SLC16A4: variants seen among roughly 807,000 people sequenced by gnomAD.
The protein encoded by SLC16A4 is probable monocarboxylate transporter 5.
SLC16A4 carries 39 observed loss-of-function variants against 47.9 expected under a neutral mutation model. That is an observed-to-expected ratio of 0.81 (90% confidence interval 0.63 to 1.06). SLC16A4 has a LOEUF of 1.06. Among genes scored for constraint, SLC16A4 ranks in the 50% least tolerant of loss-of-function variants. The pLI, the probability that SLC16A4 is intolerant of heterozygous loss-of-function variation, is 0.00. For synonymous variants in SLC16A4, 189 were observed against 199.9 expected (o/e 0.95, Z 0.46); for missense variants, 524 against 573.8 (o/e 0.91, Z 0.89).
rs769456311 is a variant in SLC16A4 at position 110,379,175 on chromosome 1, G to C, written c.708C>G (p.Thr236=). 8.7e-6 allele frequency: 14 copies of C among 1,614,064 alleles called. No individual in the cohort carries two copies. The Admixed American group carries it at 2.3e-4, about 27-fold the overall frequency. Residue 236 remains threonine (T), a synonymous_variant, in exon 6 of 9, where the codon ACC becomes ACG. Coordinates refer to ENST00000369779, the MANE Select transcript of SLC16A4 (RefSeq NM_004696.3). ...CCTTCTGCGTAGTACTGTCCTTGAT[G>C]GTAGACTCTTCTGTCTCATGGCAGT... ...ETHCHETEES[T]IKDSTTQKAG...
At position 110,378,986 on chromosome 1, in the gene SLC16A4, A is replaced by G. The variant is rs764691235; in HGVS notation, c.897T>C (p.Pro299=). Residue 299 remains proline, a synonymous_variant, in exon 6 of 9, where the codon CCT becomes CCC. Coordinates refer to ENST00000369779, the MANE Select transcript of SLC16A4 (RefSeq NM_004696.3). The part of the protein sequence containing the change: ...QLFDISLFRN[P]FFYIFTWSFL... Reference sequence around the variant, plus strand: ...AAGACCAAGTAAATATGTAGAAGAAAGGATTTCTAAAGAGAGAAATGTCAA... The same window carrying G: ...AAGACCAAGTAAATATGTAGAAGAAGGGATTTCTAAAGAGAGAAATGTCAA... 1 of 1,614,216 alleles carries G rather than the reference A, an allele frequency of 6.2e-7. No individual in the cohort carries two copies. Among genetic ancestry groups the G allele is most frequent in the Non-Finnish European group, 8.5e-7 (1 of 1,180,040 alleles).
chr1:110,365,206 A>G (rs1661314300), intron 8 of SLC16A4, among the ~76,000 whole-genome samples: 1 of 152,098 alleles, frequency 6.6e-6, no homozygotes, highest in African/African-American at 2.4e-5. Context: ...AGATGAAAAT[A>G]TCTGCCCTCA....
intron 8 of SLC16A4, among the ~76,000 whole-genome samples, chr1:110,368,514 C>T (rs1339609910): frequency 1.3e-5 from 2 of 152,196 alleles, no homozygotes; most frequent in Non-Finnish European, 2.9e-5. Flanking sequence ...AGCATAACTC[C>T]ATCCTGGGTG....
Position 110,389,466 on chromosome 1 carries a change from T to C in SLC16A4, c.-32-111A>G, listed in dbSNP as rs748115942. 5.8e-5 allele frequency: 42 copies of C among 723,558 alleles called. No individual in the cohort carries two copies. In the Middle Eastern group the frequency reaches 1.2e-3, roughly 21 times the overall value. 44.8% of individuals were successfully genotyped at this position (723,558 alleles called of 1,614,324 possible). The stretch of plus-strand genomic sequence containing the variant: ...CATTGTTGGTGGGAATGCAAATTAG[T>C]TCAGCCACTGTGCAACGCAGTTTGG... On this transcript the variant is annotated intron_variant, in intron 1 of 8. Transcript: ENST00000369779.
intron 5 of SLC16A4, chr1:110,379,871 A>T (rs1662261516): frequency 1.3e-5 from 2 of 152,574 alleles, no homozygotes. Context: ...AGCCTGGGCA[A>T]CATGGTGAAA....
At chr1:110,389,496 T>A in intron 1 of SLC16A4, 141 bp from the exon 2 acceptor site, 1 of 611,144 alleles carries the variant, frequency 1.6e-6, no homozygotes, top group South Asian at 2.1e-5. Flanking sequence ...GTTTGGAGAT[T>A]TCTGAAAGAA....
At chr1:110,365,567 CT>C (rs1165822022) in intron 8 of SLC16A4, among the ~76,000 whole-genome samples, 2 of 152,158 alleles carry the variant, frequency 1.3e-5, no homozygotes, top group South Asian at 4.1e-4. Flanking sequence ...GTGAAAACAA[CT>C]GGACAAGTCT....
intron 8 of SLC16A4, among the ~76,000 whole-genome samples, chr1:110,365,093 C>T (rs1398456817): frequency 1.3e-5 from 2 of 151,966 alleles, no homozygotes; most frequent in South Asian, 2.1e-4. Context: ...AAGTTCTTTT[C>T]CAAAGTATAG....
At chr1:110,389,437 C>T in intron 1 of SLC16A4, 82 bp from the exon 2 acceptor site, 1 of 877,024 alleles carries the variant, frequency 1.1e-6, no homozygotes, top group Non-Finnish European at 1.8e-6. Context: ...AGGGAACGTT[C>T]ATACATTGTT....
At chr1:110,366,425 G>A (rs923481120) in intron 8 of SLC16A4, among the ~76,000 whole-genome samples, 1 of 152,108 alleles carries the variant, frequency 6.6e-6, no homozygotes, top group South Asian at 2.1e-4. Context: ...CTTCTAAAGT[G>A]CTTGGATTTC....
chr1:110,363,385 T>TG lies in SLC16A4; in HGVS notation c.*380dup, dbSNP rs1459457104. On this transcript the variant is annotated 3_prime_UTR_variant, in exon 9 of 9. Transcript: ENST00000369779. Reference sequence around the variant, plus strand: ...GCTCATGCCTGTAATCCCAGCACTTTGGAGGACAAGGCGGGCGGATCACGA... The same window carrying TG: ...GCTCATGCCTGTAATCCCAGCACTTTGGGAGGACAAGGCGGGCGGATCACGA... The TG allele has an allele frequency of 3.9e-5, 6 of 154,562 alleles. No individual in the cohort carries two copies. The highest frequency in any genetic ancestry group is 7.2e-5 in the Non-Finnish European group (5 of 69,804). The allele number at this position is 154,562 out of a possible 1,614,324, so 9.6% of individuals were successfully genotyped here.
chr1:110,373,644 A>T (rs1180190708), intron 8 of SLC16A4, among the ~76,000 whole-genome samples: 1 of 149,978 alleles, frequency 6.7e-6, no homozygotes, highest in Non-Finnish European at 1.5e-5. Flanking sequence ...ATTGAACCTC[A>T]GCTATTGGCA....
chr1:110,377,692 A>G (rs1421902793), intron 6 of SLC16A4, among the ~76,000 whole-genome samples: 1 of 152,216 alleles, frequency 6.6e-6, no homozygotes, highest in African/African-American at 2.4e-5. Flanking sequence ...GAAAATATGT[A>G]GGAAGTTTGG....
chr1:110,387,628 T>G (rs1287173065), intron 2 of SLC16A4, among the ~76,000 whole-genome samples: 2 of 152,174 alleles, frequency 1.3e-5, no homozygotes, highest in Non-Finnish European at 2.9e-5. Context: ...GCAACTAAAT[T>G]GATCAAAAAC....
Position 110,379,106 on chromosome 1 carries a change from A to G in SLC16A4, c.777T>C (p.Ser259=), listed in dbSNP as rs767989454. The G allele has an allele frequency of 6.2e-7, 1 of 1,614,194 alleles. No individual in the cohort carries two copies. Among genetic ancestry groups the G allele is most frequent in the Non-Finnish European group, 8.5e-7 (1 of 1,180,034 alleles). The change falls in exon 6 of 9, where the codon AGT becomes AGC. Residue 259 remains serine (S), a synonymous_variant. Coordinates refer to ENST00000369779, the MANE Select transcript of SLC16A4 (RefSeq NM_004696.3). ...SKNLTVSQNQ[S]EEFYNGPNRN... ...TGTTAGGCCCATTGTAGAACTCTTCACTTTGATTTTGTGAGACTGTTAAAT... is the reference window on the plus strand; with the variant it reads ...TGTTAGGCCCATTGTAGAACTCTTCGCTTTGATTTTGTGAGACTGTTAAAT...
At position 110,363,767 on chromosome 1, in the gene SLC16A4, C is replaced by G. The variant is rs1661208781; in HGVS notation, c.1463G>C (p.Ter488SerextTer16). Residue 488 changes from the stop codon to serine (S), a stop_lost, in exon 9 of 9, where the codon TGA becomes TCA. Transcript: ENST00000369779. The part of the protein sequence containing the change: ...LAERWKNSLT[*>S] ...CACTTGATTGCAGTCTTCTTTCTTT[C>G]AGGTCAGACTGTTTTTCCATCTTTC... The G allele has an allele frequency of 6.2e-7, 1 of 1,600,120 alleles. No homozygotes were observed. The highest frequency in any genetic ancestry group is 1.4e-5 in the African/African-American group (1 of 73,784).
At chr1:110,388,751 C>T (rs1490342771) in intron 2 of SLC16A4, among the ~76,000 whole-genome samples, 1 of 152,192 alleles carries the variant, frequency 6.6e-6, no homozygotes, top group Non-Finnish European at 1.5e-5. Flanking sequence ...CTCATGGTTG[C>T]CTAGGCTGCA....
At chr1:110,381,862 C>T (rs1258581233) in intron 3 of SLC16A4, 67 bp from the exon 4 acceptor site, 11 of 1,385,976 alleles carry the variant, frequency 7.9e-6, no homozygotes, top group South Asian at 2.5e-5. Context: ...CCTCTGATGG[C>T]GATTTAAATG....
intron 8 of SLC16A4, chr1:110,375,147 T>A (rs1209564152): frequency 1.5e-5 from 3 of 204,260 alleles, no homozygotes; most frequent in Non-Finnish European, 2.0e-5. Flanking sequence ...TTTTTTTTTT[T>A]AAAGCATCAT....
Sources: gnomAD v4.1 joint callset for allele counts (sites outside exome capture counted in the v4.1 genomes callset) on GRCh38, gnomAD v4.1.1 for gene constraint, MANE v1.5 for transcripts, NCBI Gene and HGNC (gene_info 2026-07-23, HGNC 2026-07-21) for gene names.